Variants in PDE7B observed in about 807,000 individuals in gnomAD.
PDE7B encodes the protein 3',5'-cyclic-AMP phosphodiesterase 7B.
In PDE7B, 29 loss-of-function variants were observed where a neutral mutation model predicts 56.2. That is an observed-to-expected ratio of 0.52 (90% CI 0.38 to 0.70). PDE7B has a LOEUF of 0.70. Ranked by LOEUF, PDE7B falls within the 30% of genes least tolerant of loss-of-function variation. PDE7B has a pLI of 0.00. For synonymous variants in PDE7B, 197 were observed against 196.9 expected (o/e 1.00, Z 0.00); for missense variants, 490 against 565.0 (o/e 0.87, Z 1.35).
intron 2 of PDE7B, among the ~76,000 whole-genome samples, chr6:136,051,750 A>ATAT (rs1776633112): frequency 6.6e-6 from 1 of 152,252 alleles, no homozygotes; most frequent in South Asian, 2.1e-4. Context: ...ATATGCTAAA[A>ATAT]GATTTCTTAC....
At chr6:135,908,368 C>T (rs964792129) in intron 1 of PDE7B, among the ~76,000 whole-genome samples, 3 of 152,008 alleles carry the variant, frequency 2.0e-5, no homozygotes, top group African/African-American at 7.2e-5. Context: ...GCTGGGATTA[C>T]AGGCGTGAGA....
chr6:136,037,986 A>C, intron 2 of PDE7B: 4 of 1,242,052 alleles, frequency 3.2e-6, no homozygotes, highest in Non-Finnish European at 4.1e-6. Context: ...AATGCATTCT[A>C]TCTCTAAGGA....
intron 2 of PDE7B, among the ~76,000 whole-genome samples, chr6:136,098,342 A>G (rs1412750563): frequency 6.6e-6 from 1 of 152,162 alleles, no homozygotes; most frequent in African/African-American, 2.4e-5. Context: ...TTCTGAAAAG[A>G]GCATTATTAA....
chr6:135,908,549 AC>A (rs1296278796), intron 1 of PDE7B, among the ~76,000 whole-genome samples: 11 of 152,354 alleles, frequency 7.2e-5, no homozygotes, highest in African/African-American at 2.6e-4. Context: ...GTTAAAAAAA[AC>A]AAAAATGAAA....
chr6:135,980,135 T>C (rs928523720), intron 2 of PDE7B, among the ~76,000 whole-genome samples: 6 of 151,958 alleles, frequency 3.9e-5, no homozygotes, highest in African/African-American at 1.5e-4. Flanking sequence ...GAAATAACGC[T>C]GCATATCTAC....
Position 136,173,878 on chromosome 6 carries a change from A to T in PDE7B, c.793A>T (p.Lys265Ter). The part of the protein sequence containing the change: ...RESRLLAHLP[K>*]EMTQDIEQQL... ...ATCAAGGCTTCTTGCTCATTTGCCA[A>T]AGGAAATGACGTAAGTGCTGCCGAG... is the stretch of plus-strand genomic sequence containing the variant. Residue 265 changes from lysine to a stop codon, truncating the protein, a stop_gained, in exon 9 of 13, where the codon AAG becomes TAG. Transcript: ENST00000308191. LOFTEE classifies it high-confidence loss of function. 1 of 1,609,172 alleles carries T rather than the reference A, an allele frequency of 6.2e-7. No homozygotes were observed. Among genetic ancestry groups the T allele is most frequent in the Non-Finnish European group, 8.5e-7 (1 of 1,175,634 alleles).
At chr6:136,067,007 G>T (rs1451937174) in intron 2 of PDE7B, among the ~76,000 whole-genome samples, 2 of 151,878 alleles carry the variant, frequency 1.3e-5, no homozygotes, top group Non-Finnish European at 2.9e-5. Flanking sequence ...AGGTGTATGC[G>T]ACCACACCCA....
intron 1 of PDE7B, among the ~76,000 whole-genome samples, chr6:135,934,562 A>G (rs1444718019): frequency 6.7e-6 from 1 of 150,270 alleles, no homozygotes; most frequent in Non-Finnish European, 1.5e-5. Flanking sequence ...CTCTGTCTCT[A>G]CTAAAAAAAA....
At position 136,193,540 on chromosome 6, in the gene PDE7B, G is replaced by A. The variant is rs1443776423; in HGVS notation, c.*1700G>A. The A allele has an allele frequency of 6.6e-6, 1 of 152,174 alleles. No homozygotes were observed. The highest frequency in any genetic ancestry group is 2.4e-5 in the African/African-American group (1 of 41,432). 9.4% of individuals were successfully genotyped at this position (152,174 alleles called of 1,614,324 possible). On this transcript the variant is annotated 3_prime_UTR_variant, in exon 13 of 13. Coordinates refer to ENST00000308191, the MANE Select transcript of PDE7B (RefSeq NM_018945.4). ...AGCATTCTTCTCTAGGCTGCTAAAC[G>A]CTGTGCATTGAACCTTTTCTTTAGA...
intron 3 of PDE7B, among the ~76,000 whole-genome samples, chr6:136,138,147 C>T (rs1213294118): frequency 6.6e-6 from 1 of 152,094 alleles, no homozygotes; most frequent in Non-Finnish European, 1.5e-5. Flanking sequence ...ACACTGTTAA[C>T]ATTCCCCAGA....
chr6:136,122,315 T>A (rs971525591), intron 3 of PDE7B, among the ~76,000 whole-genome samples: 3 of 152,206 alleles, frequency 2.0e-5, no homozygotes, highest in African/African-American at 7.2e-5. Flanking sequence ...CTTTTTTAAA[T>A]GGAGATTTCA....
At chr6:136,082,455 G>T (rs1777222215) in intron 2 of PDE7B, among the ~76,000 whole-genome samples, 1 of 152,156 alleles carries the variant, frequency 6.6e-6, no homozygotes, top group Non-Finnish European at 1.5e-5. Flanking sequence ...ATCTGGAGAG[G>T]ACAGCGAGAT....
chr6:135,852,256 A>G (rs1415079301), intron 1 of PDE7B, among the ~76,000 whole-genome samples: 1 of 152,138 alleles, frequency 6.6e-6, no homozygotes, highest in African/African-American at 2.4e-5. Context: ...CAACCAGTGT[A>G]ATGAGACTCC....
intron 3 of PDE7B, among the ~76,000 whole-genome samples, chr6:136,125,414 A>C (rs1778006294): frequency 6.6e-6 from 1 of 152,072 alleles, no homozygotes; most frequent in Admixed American, 6.5e-5. Flanking sequence ...AAATTAAAAA[A>C]TTAGTCAGGC....
At chr6:136,050,057 A>G (rs1776597552) in intron 2 of PDE7B, among the ~76,000 whole-genome samples, 1 of 152,166 alleles carries the variant, frequency 6.6e-6, no homozygotes, top group African/African-American at 2.4e-5. Flanking sequence ...ACATCCAGCC[A>G]TGCCATTGAC....
At chr6:136,013,063 C>G (rs1369101396) in intron 2 of PDE7B, among the ~76,000 whole-genome samples, 3 of 152,082 alleles carry the variant, frequency 2.0e-5, no homozygotes, top group African/African-American at 7.2e-5. Context: ...ATCATGTTAT[C>G]TTTGATGTAA....
rs546988581 is a variant in PDE7B at position 135,875,492 on chromosome 6, A to G, written c.21+23473A>G. 1.8e-4 allele frequency among the ~76,000 whole-genome samples: 28 copies of G among 152,260 alleles called. No homozygotes were observed. In the South Asian group the frequency reaches 5.2e-3, roughly 28 times the overall value. ...AAGAAACTTACTGAAATCATCTTAA[A>G]TGAGATCATGTCCATCCCTAGAACT... On this transcript the variant is annotated intron_variant, in intron 1 of 12. Coordinates refer to ENST00000308191, the MANE Select transcript of PDE7B (RefSeq NM_018945.4).
At chr6:136,074,791 G>T (rs1305399137) in intron 2 of PDE7B, among the ~76,000 whole-genome samples, 1 of 152,122 alleles carries the variant, frequency 6.6e-6, no homozygotes, top group Admixed American at 6.5e-5. Context: ...GTACTCCATT[G>T]TGTATGTGTC....
intron 1 of PDE7B, among the ~76,000 whole-genome samples, chr6:135,916,680 C>T (rs1224309107): frequency 1.3e-5 from 2 of 151,862 alleles, no homozygotes; most frequent in African/African-American, 2.4e-5. Context: ...CGTTAGCCAC[C>T]GCACCCAGCC....
Sources: gnomAD v4.1 joint callset for allele counts (sites outside exome capture counted in the v4.1 genomes callset) on GRCh38, gnomAD v4.1.1 for gene constraint, MANE v1.5 for transcripts, NCBI Gene and HGNC (gene_info 2026-07-23, HGNC 2026-07-21) for gene names.